Variants in ASTN2 observed in about 807,000 individuals in gnomAD.
ASTN2 encodes astrotactin-2.
Under a neutral mutation model 139.8 loss-of-function variants are expected in ASTN2, and 54 were observed. The ratio of observed to expected loss-of-function variants is 0.39; its 90% confidence interval spans 0.31 to 0.48. ASTN2 has a LOEUF of 0.48. Among genes scored for constraint, ASTN2 ranks in the 20% least tolerant of loss-of-function variants. The pLI is 0.95. For synonymous variants in ASTN2, 756 were observed against 719.5 expected (o/e 1.05, Z -0.81); for missense variants, 1,565 against 1,725.1 (o/e 0.91, Z 1.64).
intron 1 of ASTN2, among the ~76,000 whole-genome samples, chr9:117,391,812 GT>G (rs1564181028): frequency 1.3e-5 from 2 of 152,260 alleles, no homozygotes; most frequent in East Asian, 3.9e-4. Context: ...TCAAAAGCAA[GT>G]TAGTTACTTC....
At chr9:116,523,732 ACCT>A (rs1365900235) in intron 19 of ASTN2, among the ~76,000 whole-genome samples, 1 of 152,104 alleles carries the variant, frequency 6.6e-6, no homozygotes, top group Non-Finnish European at 1.5e-5. Context: ...AAACATGGGC[ACCT>A]CCTATTTAAT....
intron 20 of ASTN2, among the ~76,000 whole-genome samples, chr9:116,465,659 G>A (rs1213421020): frequency 1.3e-5 from 2 of 152,182 alleles, no homozygotes; most frequent in African/African-American, 2.4e-5. Context: ...GCTGGAAGCA[G>A]CTGCAGTTTC....
chr9:116,648,177 T>C (rs759788614), intron 17 of ASTN2, among the ~76,000 whole-genome samples: 14 of 152,132 alleles, frequency 9.2e-5, no homozygotes, highest in African/African-American at 2.7e-4. Flanking sequence ...AAGTTTTGTA[T>C]TTTTAGTAGA....
At chr9:116,981,958 G>C (rs1468314858) in intron 7 of ASTN2, among the ~76,000 whole-genome samples, 1 of 152,162 alleles carries the variant, frequency 6.6e-6, no homozygotes, top group Admixed American at 6.5e-5. Context: ...GGTTTTAAAA[G>C]ATTTACTCTT....
At chr9:117,025,816 G>A (rs932752154) in intron 6 of ASTN2, among the ~76,000 whole-genome samples, 13 of 147,708 alleles carry the variant, frequency 8.8e-5, no homozygotes, top group African/African-American at 3.3e-4. Context: ...TTTTTTGACA[G>A]AGTCTCGCTC....
intron 20 of ASTN2, among the ~76,000 whole-genome samples, chr9:116,474,269 G>A (rs961885417): frequency 2.6e-5 from 4 of 152,186 alleles, no homozygotes; most frequent in Admixed American, 2.6e-4. Context: ...GCCCAGCTCT[G>A]CTCTGCCTGT....
At chr9:116,840,837 G>T (rs1832224333) in intron 11 of ASTN2, among the ~76,000 whole-genome samples, 2 of 150,852 alleles carry the variant, frequency 1.3e-5, no homozygotes, top group South Asian at 2.1e-4. Context: ...GGGAAGAGGC[G>T]CTCCTCACTT....
intron 17 of ASTN2, among the ~76,000 whole-genome samples, chr9:116,630,758 A>G (rs1479035280): frequency 6.6e-6 from 1 of 152,236 alleles, no homozygotes; most frequent in African/African-American, 2.4e-5. Context: ...GAAACAGTCA[A>G]TAGAGGGAAA....
intron 7 of ASTN2, among the ~76,000 whole-genome samples, chr9:116,989,023 C>T (rs1836764433): frequency 6.6e-6 from 1 of 152,006 alleles, no homozygotes; most frequent in East Asian, 1.9e-4. Context: ...AATTCAATTC[C>T]CCACCTGAAC....
chr9:116,746,646 G>GT (rs1024553758), intron 13 of ASTN2, among the ~76,000 whole-genome samples: 1 of 151,998 alleles, frequency 6.6e-6, no homozygotes, highest in Admixed American at 6.6e-5. Context: ...CACATTCTAG[G>GT]TTTTTTTCTT....
chr9:116,967,250 A>T (rs1216712648), intron 10 of ASTN2, among the ~76,000 whole-genome samples: 1 of 152,218 alleles, frequency 6.6e-6, no homozygotes, highest in Middle Eastern at 3.2e-3. Flanking sequence ...AGTGTTAGTT[A>T]TCATTCAGAT....
At chr9:116,711,180 T>C (rs559557727) in intron 16 of ASTN2, among the ~76,000 whole-genome samples, 46 of 152,362 alleles carry the variant, frequency 3.0e-4, no homozygotes, top group African/African-American at 1.0e-3. Context: ...GTATTCCTCC[T>C]TTCTGCTCTG....
rs759785845 is a variant in ASTN2 at position 116,699,483 on chromosome 9, A to G, written c.2806+26288T>C. 6.2e-7 allele frequency: 1 copy of G among 1,614,178 alleles called. No homozygotes were observed. The highest frequency in any genetic ancestry group is 8.5e-7 in the Non-Finnish European group (1 of 1,180,034). ...TGAGGATTTCCGCTGCATTGCTGGC[A>G]TGTGTGTGGATGCTCGTGGTGATCT... On this transcript the variant is annotated intron_variant, in intron 16 of 22. Coordinates refer to ENST00000313400, the MANE Select transcript of ASTN2 (RefSeq NM_001365068.1). The surrounding 1 kb of genome is among the most constrained non-coding windows in gnomAD (Gnocchi z 4.2).
intron 11 of ASTN2, among the ~76,000 whole-genome samples, chr9:116,846,321 T>C (rs1017869149): frequency 2.0e-5 from 3 of 152,190 alleles, no homozygotes; most frequent in African/African-American, 7.2e-5. Flanking sequence ...TCACTTCAAA[T>C]GCTTAAGGAG....
intron 5 of ASTN2, among the ~76,000 whole-genome samples, chr9:117,072,866 T>C (rs1828172139): frequency 6.6e-6 from 1 of 152,128 alleles, no homozygotes; most frequent in African/African-American, 2.4e-5. Flanking sequence ...AAGGGTTAGG[T>C]ATCCAAACAT....
chr9:116,645,412 G>A (rs555014878), intron 17 of ASTN2, among the ~76,000 whole-genome samples: 2 of 152,068 alleles, frequency 1.3e-5, no homozygotes, highest in Non-Finnish European at 2.9e-5. Context: ...TCAAGGGCTC[G>A]TTTCCAGCTT....
chr9:117,216,784 T>A (rs1237329830), intron 2 of ASTN2, among the ~76,000 whole-genome samples: 1 of 150,526 alleles, frequency 6.6e-6, no homozygotes, highest in East Asian at 2.0e-4. Context: ...AGGAGAGAGG[T>A]GATAGAGAGG....
chr9:117,231,417 A>G (rs921550926), intron 2 of ASTN2, among the ~76,000 whole-genome samples: 64 of 152,198 alleles, frequency 4.2e-4, no homozygotes, highest in African/African-American at 1.5e-3. Flanking sequence ...TTGAGTTCAA[A>G]TCTTATTGCT....
Position 117,414,648 on chromosome 9 carries a change from T to TCCGGCCCCGGTCCCAGCC in ASTN2, c.273_290dup (p.Gly93_Ala98dup). The TCCGGCCCCGGTCCCAGCC allele has an allele frequency of 1.5e-6, 2 of 1,362,570 alleles. No homozygotes were observed. Among genetic ancestry groups the TCCGGCCCCGGTCCCAGCC allele is most frequent in the Non-Finnish European group, 9.4e-7 (1 of 1,064,920 alleles). 84.4% of individuals were successfully genotyped at this position (1,362,570 alleles called of 1,614,324 possible). Reference sequence around the variant, plus strand: ...CCGGGGACGCGGCGGCGGCGGCGGCTCCGGCCCCGGTCCCAGCCCCGGCCC... The same window carrying TCCGGCCCCGGTCCCAGCC: ...CCGGGGACGCGGCGGCGGCGGCGGCTCCGGCCCCGGTCCCAGCCCCGGCCCCGGTCCCAGCCCCGGCCC... On this transcript the variant is annotated inframe_insertion, in exon 1 of 23. Coordinates refer to ENST00000313400, the MANE Select transcript of ASTN2 (RefSeq NM_001365068.1). This position sits in a 1 kb window ranked among gnomAD's most constrained non-coding sequence, Gnocchi z 4.2.
Sources: allele counts gnomAD v4.1 joint callset (sites outside exome capture counted in the v4.1 genomes callset), GRCh38; gene constraint gnomAD v4.1.1; non-coding constraint Gnocchi (gnomAD v3.1); transcripts MANE v1.5; gene names NCBI Gene and HGNC (gene_info 2026-07-23, HGNC 2026-07-21).